AXIN2: variants seen among roughly 807,000 people sequenced by gnomAD.
AXIN2 encodes axin 2, also known as axin-2.
AXIN2 carries 21 observed loss-of-function variants against 74.7 expected under a neutral mutation model. The observed-to-expected ratio is 0.28, with a 90% CI of 0.20 to 0.40. The LOEUF (loss-of-function observed/expected upper bound fraction) is 0.40. Ranked by LOEUF, AXIN2 falls within the 10% of genes least tolerant of loss-of-function variation. AXIN2 has a pLI of 1.00. For missense variants in AXIN2, 1,144 were observed against 1,111.1 expected, an observed-to-expected ratio of 1.03 and a Z score of -0.42; for synonymous variants, 532 against 454.9, an observed-to-expected ratio of 1.17 and a Z score of -2.16.
chr17:65,538,072 A>ACGCAGCCCACG (rs760175559), intron 5 of AXIN2, 131 bp downstream of exon 5: 1 of 1,512,668 alleles, frequency 6.6e-7, no homozygotes, highest in Non-Finnish European at 8.9e-7. Flanking sequence ...ACACACCCAC[A>ACGCAGCCCACG]CGCAGCCCAC....
At chr17:65,540,480 C>T (rs2044024972) in intron 4 of AXIN2, among the ~76,000 whole-genome samples, 1 of 152,124 alleles carries the variant, frequency 6.6e-6, no homozygotes, top group Admixed American at 6.5e-5. Flanking sequence ...GCTTCAGTTT[C>T]TTTCTGATAG....
At position 65,537,383 on chromosome 17, in the gene AXIN2, G is replaced by A. The variant is rs2144456850; in HGVS notation, c.1653C>T (p.Cys551=). Residue 551 remains cysteine (C), a synonymous_variant, in exon 6 of 11, where the codon TGC becomes TGT. Coordinates refer to ENST00000307078, the MANE Select transcript of AXIN2 (RefSeq NM_004655.4). ...TGGAGTGGCTTTTGCATTTCGAGTA[G>A]CAGTAATACTCGCTGCCCCCAGGGC... The part of the protein sequence containing the change: ...CFCPGGSEYY[C]YSKCKSHSKA... The A allele has an allele frequency of 6.2e-7, 1 of 1,614,040 alleles. No individual in the cohort carries two copies. The highest frequency in any genetic ancestry group is 1.1e-5 in the South Asian group (1 of 91,084).
In AXIN2 at chr17:65,543,305, C is replaced by G. The variant is rs191082799; in HGVS notation, c.957-1748G>C. On this transcript the variant is annotated intron_variant, in intron 3 of 10. Coordinates refer to ENST00000307078, the MANE Select transcript of AXIN2 (RefSeq NM_004655.4). ...TCTTCTACTCATGACTGAGAAACAG[C>G]CTCCTACTCATGAGGCTCGGCACCT... Among the ~76,000 whole-genome samples the G allele has an allele frequency of 9.8e-3, 1,499 of 152,270 alleles. 10 individuals are homozygous for G. Among genetic ancestry groups the G allele is most frequent in the Non-Finnish European group, 0.014 (951 of 68,014 alleles).
intron 10 of AXIN2, among the ~76,000 whole-genome samples, chr17:65,533,037 G>A (rs932502581): frequency 6.6e-6 from 1 of 152,212 alleles, no homozygotes; most frequent in African/African-American, 2.4e-5. Context: ...GATGAACTGA[G>A]GCAGAGTCAT....
intron 3 of AXIN2, among the ~76,000 whole-genome samples, chr17:65,544,382 C>CCCA (rs913851195): frequency 3.4e-5 from 5 of 147,236 alleles, no homozygotes; most frequent in East Asian, 2.0e-4. Flanking sequence ...CCCCCCATCC[C>CCCA]CCACCACCAC....
rs192177334 is a variant in AXIN2 at position 65,540,769 on chromosome 17, C to G, written c.1059+686G>C. Among the ~76,000 whole-genome samples, 667 of 152,288 alleles carry G rather than the reference C, an allele frequency of 4.4e-3. 4 individuals carry two copies. The highest frequency in any genetic ancestry group is 5.6e-3 in the South Asian group (27 of 4,820). The stretch of plus-strand genomic sequence containing the variant: ...TCTCCCGCTATGTTACAAACTGGCT[C>G]TCCTTCCCCTTGCGCATCATGATTG... On this transcript the variant is annotated intron_variant, in intron 4 of 10. Transcript: ENST00000307078.
At chr17:65,544,716 C>T (rs894240000) in intron 3 of AXIN2, among the ~76,000 whole-genome samples, 4 of 152,262 alleles carry the variant, frequency 2.6e-5, no homozygotes, top group South Asian at 4.1e-4. Flanking sequence ...TTTTAGTTAA[C>T]GAGCCTGCTG....
rs1240762447 is a variant in AXIN2 at position 65,530,711 on chromosome 17, C to G, written c.2406-609G>C. Among the ~76,000 whole-genome samples the G allele has an allele frequency of 4.6e-5, 7 of 152,356 alleles. No homozygotes were observed. The East Asian group carries it at 1.2e-3, about 25-fold the overall frequency. ...CCACACAGGAGGCAAGCCAGCCCAG[C>G]GCAGCTTCCCAGGGCCGAACAGACG... On this transcript the variant is annotated intron_variant, in intron 10 of 10. Transcript: ENST00000307078.
chr17:65,537,234 C>A, intron 6 of AXIN2, 90 bp downstream of exon 6: 1 of 1,588,700 alleles, frequency 6.3e-7, no homozygotes. Context: ...AAACTAAATG[C>A]CTGTAATGCG....
chr17:65,550,423 C>T (rs2044175184), intron 2 of AXIN2, among the ~76,000 whole-genome samples: 1 of 152,188 alleles, frequency 6.6e-6, no homozygotes, highest in Non-Finnish European at 1.5e-5. Flanking sequence ...TTTCAATGGC[C>T]TCTGGCTCCT....
At chr17:65,534,536 C>T (rs906453254) in intron 9 of AXIN2, among the ~76,000 whole-genome samples, 11 of 152,270 alleles carry the variant, frequency 7.2e-5, no homozygotes, top group East Asian at 1.9e-4. Context: ...GCCTAAAGCC[C>T]ACCCCTTATT....
chr17:65,536,126 T>C (rs934829812), intron 8 of AXIN2, among the ~76,000 whole-genome samples, 194 bp downstream of exon 8: 1 of 152,216 alleles, frequency 6.6e-6, no homozygotes, highest in Non-Finnish European at 1.5e-5. Flanking sequence ...TTAACTCTAG[T>C]AGAATGAACA....
At chr17:65,538,420 C>T in intron 4 of AXIN2, 77 bp from the exon 5 acceptor site, 1 of 1,588,512 alleles carries the variant, frequency 6.3e-7, no homozygotes, top group East Asian at 2.2e-5. Flanking sequence ...GAGCTTCCCG[C>T]ACCAGGCGCT....
At chr17:65,544,269 T>C (rs1016311201) in intron 3 of AXIN2, among the ~76,000 whole-genome samples, 4 of 142,382 alleles carry the variant, frequency 2.8e-5, no homozygotes, top group Admixed American at 7.0e-5. Flanking sequence ...ATAATAAGGT[T>C]AAAAAAAAAA....
intron 10 of AXIN2, among the ~76,000 whole-genome samples, chr17:65,532,609 AAACT>A (rs1322747675): frequency 6.6e-6 from 1 of 152,136 alleles, no homozygotes; most frequent in Non-Finnish European, 1.5e-5. Flanking sequence ...GCCCCCGCCC[AAACT>A]AACTCCCAGA....
rs775428814 is a variant in AXIN2, at chr17:65,538,667, C to CAAAAAAAAAAAAAAAAAA, written c.1060-342_1060-325dup. ...ATCTTCAAAGACTGTTGTCAACCAT[C>CAAAAAAAAAAAAAAAAAA]AAAAAAAAAAAAAAAAAAAAAAAAA... On this transcript the variant is annotated intron_variant, in intron 4 of 10. Coordinates refer to ENST00000307078, the MANE Select transcript of AXIN2 (RefSeq NM_004655.4). Among the ~76,000 whole-genome samples the CAAAAAAAAAAAAAAAAAA allele has an allele frequency of 3.9e-3, 138 of 35,828 alleles. 67 individuals carry two copies. Among genetic ancestry groups the CAAAAAAAAAAAAAAAAAA allele is most frequent in the East Asian group, 7.4e-3 (7 of 944 alleles). 23.5% of individuals were successfully genotyped at this position (35,828 alleles called of 152,430 possible).
At chr17:65,530,731 C>T (rs2144396127) in intron 10 of AXIN2, among the ~76,000 whole-genome samples, 2 of 152,360 alleles carry the variant, frequency 1.3e-5, no homozygotes, top group Admixed American at 1.3e-4. Context: ...CAGGGCCGAA[C>T]AGACGGCACT....
At chr17:65,534,393 A>G (rs2043874690) in intron 9 of AXIN2, among the ~76,000 whole-genome samples, 1 of 152,262 alleles carries the variant, frequency 6.6e-6, no homozygotes. Flanking sequence ...TCAGGCTGGC[A>G]TAAATGGGGT....
rs888643380 is a variant in AXIN2 at position 65,528,995 on chromosome 17, T to G, written c.*981A>C. On this transcript the variant is annotated 3_prime_UTR_variant, in exon 11 of 11. Transcript: ENST00000307078. The stretch of plus-strand genomic sequence containing the variant: ...ATGAAGGTGTGTGGAGGAAAGGTGC[T>G]GCTGGGTCTCCCTACAACTGTTCAT... The G allele has an allele frequency of 3.7e-5, 10 of 269,610 alleles. No individual in the cohort carries two copies. The highest frequency in any genetic ancestry group is 2.0e-4 in the African/African-American group (9 of 45,610). The allele number at this position is 269,610 out of a possible 1,614,324, so 16.7% of individuals were successfully genotyped here. A position where few individuals can be genotyped will look rare whatever the true frequency, so the allele number is the denominator to read the frequency against.
Sources: allele counts gnomAD v4.1 joint callset (sites outside exome capture counted in the v4.1 genomes callset), GRCh38; gene constraint gnomAD v4.1.1; transcripts MANE v1.5; gene names NCBI Gene and HGNC (gene_info 2026-07-23, HGNC 2026-07-21).